Variants in CLDN18 observed in about 807,000 individuals in gnomAD.
CLDN18 encodes the protein claudin 18.
A neutral mutation model predicts 25.0 loss-of-function variants in CLDN18; 20 were observed. The ratio of observed to expected loss-of-function variants is 0.80; its 90% CI spans 0.56 to 1.16. The LOEUF (loss-of-function observed/expected upper bound fraction) is 1.16. Ranked by LOEUF, CLDN18 falls within the 50% of genes most tolerant of loss-of-function variation. The probability of loss-of-function intolerance (pLI) is 0.00; values close to 1 mark genes in which losing one functional copy is unlikely to be tolerated. For synonymous variants in CLDN18, 125 were observed against 135.6 expected, an observed-to-expected ratio of 0.92 and a Z score of 0.54; for missense variants, 297 against 345.4, an observed-to-expected ratio of 0.86 and a Z score of 1.11.
intron 1 of CLDN18, among the ~76,000 whole-genome samples, chr3:138,012,595 ACCT>A (rs1942147388): frequency 6.6e-6 from 1 of 151,202 alleles, no homozygotes; most frequent in South Asian, 2.1e-4. Context: ...CTTCCTCCAA[ACCT>A]CCTCAAGCCC....
chr3:138,030,333 A>G (rs1484652717), intron 4 of CLDN18, among the ~76,000 whole-genome samples: 1 of 152,250 alleles, frequency 6.6e-6, no homozygotes, highest in Admixed American at 6.5e-5. Context: ...ACTGTGCCAC[A>G]GCAAAGAAGC....
intron 3 of CLDN18, among the ~76,000 whole-genome samples, chr3:138,027,066 C>T (rs563620540): frequency 1.5e-4 from 23 of 152,354 alleles, no homozygotes; most frequent in African/African-American, 5.5e-4. Flanking sequence ...TAGAGCACCA[C>T]TAGTGCCTAC....
intron 1 of CLDN18, among the ~76,000 whole-genome samples, chr3:138,016,659 G>A (rs1474863029): frequency 2.0e-5 from 3 of 152,168 alleles, no homozygotes; most frequent in Non-Finnish European, 2.9e-5. Flanking sequence ...AAGCCTTACA[G>A]TTAGAGGGAA....
chr3:138,020,694 C>T lies in CLDN18; in HGVS notation c.221-2964C>T, dbSNP rs533500536. On this transcript the variant is annotated intron_variant, in intron 1 of 4. Coordinates refer to ENST00000183605, the MANE Select transcript of CLDN18 (RefSeq NM_016369.4). ...CTGGAGGAGATGGGAATGCTGTCAT[C>T]TTGAGAGTTACATTTATAAATAATC... Among the ~76,000 whole-genome samples, 36 of 152,326 alleles carry T rather than the reference C, an allele frequency of 2.4e-4. No individual in the cohort carries two copies. The South Asian group carries it at 7.0e-3, about 30-fold the overall frequency.
intron 1 of CLDN18, among the ~76,000 whole-genome samples, chr3:138,011,717 G>C (rs1942138393): frequency 6.6e-6 from 1 of 152,110 alleles, no homozygotes; most frequent in South Asian, 2.1e-4. Context: ...ATTAAGGCAT[G>C]ATGTCTTATG....
intron 1 of CLDN18, among the ~76,000 whole-genome samples, chr3:138,017,941 G>A (rs1180303277): frequency 1.3e-5 from 2 of 152,300 alleles, no homozygotes; most frequent in Admixed American, 1.3e-4. Flanking sequence ...AGAAAAGCTA[G>A]GAACCAGAAT....
chr3:138,005,226 A>G (rs1942057294), upstream of CLDN18: 2 of 152,144 alleles, frequency 1.3e-5, no homozygotes, highest in South Asian at 2.1e-4. Context: ...TTTCTTTTCT[A>G]TTTTTGATGA....
chr3:138,018,409 T>G (rs909114635), intron 1 of CLDN18, among the ~76,000 whole-genome samples: 3 of 145,564 alleles, frequency 2.1e-5, no homozygotes, highest in African/African-American at 7.7e-5. Context: ...GGATCTCGGC[T>G]CACTGCAAGC....
upstream of CLDN18, chr3:138,010,051 G>A: frequency 9.4e-7 from 1 of 1,065,544 alleles, no homozygotes; most frequent in East Asian, 2.6e-5. Context: ...TAAAAATAAT[G>A]CCCTTGAACC....
At chr3:138,004,465 T>C (rs955699657) in intron 1 of CLDN18, among the ~76,000 whole-genome samples, 14 of 152,184 alleles carry the variant, frequency 9.2e-5, no homozygotes, top group African/African-American at 3.4e-4. Context: ...ACGAAAGTTT[T>C]TTTTTTTAAG....
chr3:138,015,651 A>C (rs966454194), intron 1 of CLDN18, among the ~76,000 whole-genome samples: 1 of 152,204 alleles, frequency 6.6e-6, no homozygotes, highest in African/African-American at 2.4e-5. Flanking sequence ...AAGGATCATC[A>C]CTTGAACCCA....
upstream of CLDN18, among the ~76,000 whole-genome samples, chr3:138,006,302 T>C (rs576124375): frequency 2.6e-5 from 4 of 152,376 alleles, no homozygotes; most frequent in African/African-American, 9.6e-5. Flanking sequence ...ATATTTTCTA[T>C]TGTTATTTAT....
chr3:138,005,881 C>CA (rs1458721246), upstream of CLDN18, among the ~76,000 whole-genome samples: 7 of 151,622 alleles, frequency 4.6e-5, no homozygotes, highest in South Asian at 4.2e-4. Flanking sequence ...GCCTTTTATT[C>CA]AAAAAAATGG....
upstream of CLDN18, among the ~76,000 whole-genome samples, chr3:138,008,221 G>C (rs1226384726): frequency 1.4e-5 from 2 of 144,046 alleles, no homozygotes; most frequent in African/African-American, 5.0e-5. Flanking sequence ...TGTATGTGGG[G>C]GGGGAGTGTG....
Position 138,031,065 on chromosome 3 carries a change from A to G in CLDN18, c.710A>G (p.Asn237Ser). The G allele has an allele frequency of 6.2e-7, 1 of 1,614,160 alleles. No individual in the cohort carries two copies. The highest frequency in any genetic ancestry group is 8.5e-7 in the Non-Finnish European group (1 of 1,180,020). The change falls in exon 5 of 5, where the codon AAC becomes AGC. Residue 237 changes from asparagine (N) to serine (S), a missense_variant. Asn to Ser is a conservative substitution (Grantham distance 46). Coordinates refer to ENST00000183605, the MANE Select transcript of CLDN18 (RefSeq NM_016369.4). ...ACTGGCTTTGGGTCCAACACCAAAA[A>G]CAAGAAGATATACGATGGAGGTGCC... ...ASTGFGSNTK[N>S]KKIYDGGART...
At position 138,023,686 on chromosome 3, in the gene CLDN18, G is replaced by T. The variant is rs949699149; in HGVS notation, c.249G>T (p.Met83Ile). 3 of 1,614,036 alleles carry T rather than the reference G, an allele frequency of 1.9e-6. No homozygotes were observed. Among genetic ancestry groups the T allele is most frequent in the Admixed American group, 1.7e-5 (1 of 60,014 alleles). ...TGCTGCAGGCAGTGCGAGCCCTGAT[G>T]ATCGTAGGCATCGTCCTGGGTGCCA... Reference protein sequence around the residue: ...PAMLQAVRALMIVGIVLGAIG... With the variant: ...PAMLQAVRALIIVGIVLGAIG... Residue 83 changes from methionine to isoleucine, a missense_variant, in exon 2 of 5, where the codon ATG (methionine) becomes ATT (isoleucine). By Grantham distance (10) the Met-to-Ile change is conservative. Transcript: ENST00000183605.
upstream of CLDN18, among the ~76,000 whole-genome samples, chr3:138,007,817 G>A (rs925913466): frequency 6.6e-6 from 1 of 152,118 alleles, no homozygotes; most frequent in Non-Finnish European, 1.5e-5. Flanking sequence ...AACCTAATTG[G>A]TCAATCTATG....
chr3:138,026,230 T>C (rs1383554452), intron 3 of CLDN18, among the ~76,000 whole-genome samples: 1 of 152,230 alleles, frequency 6.6e-6, no homozygotes, highest in African/African-American at 2.4e-5. Context: ...TATGTAACAG[T>C]GGCAGAGCCT....
At chr3:138,021,791 A>T (rs1251315646) in intron 1 of CLDN18, among the ~76,000 whole-genome samples, 1 of 152,206 alleles carries the variant, frequency 6.6e-6, no homozygotes, top group African/African-American at 2.4e-5. Context: ...GGGCTTCAGC[A>T]GCACTCTGGT....
Sources: gnomAD v4.1 joint callset for allele counts (sites outside exome capture counted in the v4.1 genomes callset) on GRCh38, gnomAD v4.1.1 for gene constraint, MANE v1.5 for transcripts, NCBI Gene and HGNC (gene_info 2026-07-23, HGNC 2026-07-21) for gene names.